FRMD4A: variants seen among roughly 807,000 people sequenced by gnomAD.
FRMD4A encodes FERM domain containing 4A, also known as FERM domain-containing protein 4A.
A neutral mutation model predicts 129.1 loss-of-function variants in FRMD4A; 29 were observed. The observed-to-expected ratio is 0.22, with a 90% CI of 0.17 to 0.31. The LOEUF is 0.31. FRMD4A is among the 10% of genes least tolerant of loss of function. The probability of loss-of-function intolerance (pLI) is 1.00; values close to 1 mark genes in which losing one functional copy is unlikely to be tolerated. For missense variants in FRMD4A, 1,272 were observed against 1,375.8 expected (o/e 0.92, Z 1.19); for synonymous variants, 634 against 571.6 (o/e 1.11, Z -1.56).
intron 15 of FRMD4A, chr10:13,675,511 C>T (rs540449271): frequency 2.9e-4 from 45 of 154,432 alleles, no homozygotes; most frequent in African/African-American, 9.9e-4. Context: ...AAGTGATTCT[C>T]GTGCCTCAGC....
intron 2 of FRMD4A, among the ~76,000 whole-genome samples, chr10:13,939,393 C>T (rs1409855844): frequency 6.6e-6 from 1 of 152,110 alleles, no homozygotes; most frequent in Non-Finnish European, 1.5e-5. Flanking sequence ...TCTAATTTTT[C>T]AGGAAGCATT....
chr10:14,242,976 G>A (rs1316951308), intron 2 of FRMD4A, among the ~76,000 whole-genome samples: 1 of 152,124 alleles, frequency 6.6e-6, no homozygotes, highest in Non-Finnish European at 1.5e-5. Context: ...GTTAAAAGGT[G>A]GAAGTAAACT....
intron 2 of FRMD4A, among the ~76,000 whole-genome samples, chr10:14,024,749 G>T (rs189462649): frequency 6.6e-6 from 1 of 152,234 alleles, no homozygotes; most frequent in African/African-American, 2.4e-5. Flanking sequence ...CTGGCCAAGC[G>T]CAGAGAACCT....
intron 2 of FRMD4A, among the ~76,000 whole-genome samples, chr10:13,867,191 C>T (rs2094378063): frequency 6.6e-6 from 1 of 152,182 alleles, no homozygotes; most frequent in Admixed American, 6.5e-5. Context: ...TGTATCTACA[C>T]ATCTATGGGT....
At chr10:13,742,334 C>G (rs1168871129) in intron 9 of FRMD4A, among the ~76,000 whole-genome samples, 3 of 152,142 alleles carry the variant, frequency 2.0e-5, no homozygotes, top group Non-Finnish European at 4.4e-5. Flanking sequence ...AGGCAGAAAG[C>G]CCCAACCCCA....
At chr10:14,105,600 T>C (rs1339189311) in intron 2 of FRMD4A, among the ~76,000 whole-genome samples, 1 of 152,200 alleles carries the variant, frequency 6.6e-6, no homozygotes, top group Non-Finnish European at 1.5e-5. Flanking sequence ...TCTTATACAA[T>C]AATTTCTTAA....
intron 2 of FRMD4A, among the ~76,000 whole-genome samples, chr10:13,905,971 C>G (rs538128019): frequency 2.0e-5 from 3 of 152,190 alleles, no homozygotes; most frequent in Non-Finnish European, 2.9e-5. Context: ...TTCTGCCACC[C>G]CTTGAAATCA....
chr10:14,259,505 A>G (rs1844728148), intron 2 of FRMD4A, among the ~76,000 whole-genome samples: 1 of 152,212 alleles, frequency 6.6e-6, no homozygotes, highest in South Asian at 2.1e-4. Context: ...CAAATGTAAT[A>G]TGATTCAAAA....
chr10:13,683,736 G>A (rs192714941), intron 15 of FRMD4A, among the ~76,000 whole-genome samples: 2 of 150,336 alleles, frequency 1.3e-5, no homozygotes, highest in Admixed American at 6.6e-5. Context: ...TTTTTGAGAC[G>A]GAGTCTCACT....
chr10:13,941,405 C>G (rs1009379674), intron 2 of FRMD4A, among the ~76,000 whole-genome samples: 2 of 152,138 alleles, frequency 1.3e-5, no homozygotes, highest in South Asian at 4.1e-4. Flanking sequence ...TATAAGTTAC[C>G]CAGTCTGGGG....
chr10:14,160,050 CA>C (rs954154562), intron 2 of FRMD4A, among the ~76,000 whole-genome samples: 1 of 151,326 alleles, frequency 6.6e-6, no homozygotes, highest in African/African-American at 2.4e-5. Context: ...ACTCCGTCTC[CA>C]AAAAAAATAT....
At chr10:14,011,413 C>A (rs1010373803) in intron 2 of FRMD4A, among the ~76,000 whole-genome samples, 1 of 152,082 alleles carries the variant, frequency 6.6e-6, no homozygotes, top group African/African-American at 2.4e-5. Flanking sequence ...GGGGCCAGGT[C>A]ACCTAGTGGA....
At chr10:14,296,136 A>G (rs1846001456) in intron 2 of FRMD4A, among the ~76,000 whole-genome samples, 1 of 152,060 alleles carries the variant, frequency 6.6e-6, no homozygotes, top group Admixed American at 6.5e-5. Flanking sequence ...CGGAAGAAAA[A>G]TAGAGCCAAG....
At chr10:13,765,134 G>T (rs189193702) in intron 6 of FRMD4A, among the ~76,000 whole-genome samples, 187 of 104,716 alleles carry the variant, frequency 1.8e-3, no homozygotes, top group African/African-American at 6.1e-3. Flanking sequence ...TTTTTTTTGA[G>T]ACGGAGTCTC....
At chr10:13,738,850 A>C (rs2090813201) in intron 11 of FRMD4A, among the ~76,000 whole-genome samples, 1 of 152,062 alleles carries the variant, frequency 6.6e-6, no homozygotes, top group Non-Finnish European at 1.5e-5. Flanking sequence ...CAAACTCCTG[A>C]CCTCAGCTGA....
At chr10:13,881,173 T>C (rs2094542221) in intron 2 of FRMD4A, among the ~76,000 whole-genome samples, 1 of 151,362 alleles carries the variant, frequency 6.6e-6, no homozygotes, top group Admixed American at 6.6e-5. Context: ...ATCCCAGAGC[T>C]TTGAGAGGCT....
chr10:13,879,605 G>A (rs1272821643), intron 2 of FRMD4A, among the ~76,000 whole-genome samples: 1 of 152,162 alleles, frequency 6.6e-6, no homozygotes, highest in Non-Finnish European at 1.5e-5. Flanking sequence ...GATTCAATTT[G>A]TACAATGGCA....
rs561099829 is a variant in FRMD4A, at chr10:13,975,497, G to A, written c.46-116585C>T. On this transcript the variant is annotated intron_variant, in intron 2 of 24. Coordinates refer to ENST00000357447, the MANE Select transcript of FRMD4A (RefSeq NM_018027.5). Reference sequence around the variant, plus strand: ...TGTCTGTGTGTCATTGTGTGTCTGTGTATGCATCTATGTATGTGTGTACTG... The same window carrying A: ...TGTCTGTGTGTCATTGTGTGTCTGTATATGCATCTATGTATGTGTGTACTG... Among the ~76,000 whole-genome samples, 4 of 151,728 alleles carry A rather than the reference G, an allele frequency of 2.6e-5. No homozygotes were observed. The East Asian group carries it at 7.8e-4, about 30-fold the overall frequency.
At chr10:13,866,535 A>T (rs531313773) in intron 2 of FRMD4A, among the ~76,000 whole-genome samples, 1 of 152,210 alleles carries the variant, frequency 6.6e-6, no homozygotes, top group Non-Finnish European at 1.5e-5. Flanking sequence ...GTACCCAAAC[A>T]TTGCAAGACC....
Sources: allele counts gnomAD v4.1 joint callset (sites outside exome capture counted in the v4.1 genomes callset), GRCh38; gene constraint gnomAD v4.1.1; transcripts MANE v1.5; gene names NCBI Gene and HGNC (gene_info 2026-07-23, HGNC 2026-07-21).